The following DAGLB variants were observed in gnomAD, a reference collection of about 807,000 sequenced individuals.
DAGLB encodes the protein diacylglycerol lipase-beta.
In DAGLB, 66 loss-of-function variants were observed where a neutral mutation model predicts 72.1. The ratio of observed to expected loss-of-function variants is 0.92; its 90% confidence interval spans 0.75 to 1.12. The LOEUF (loss-of-function observed/expected upper bound fraction) is 1.12. Ranked by LOEUF, DAGLB falls within the 50% of genes most tolerant of loss-of-function variation. The probability of loss-of-function intolerance (pLI) is 0.00; values close to 1 mark genes in which losing one functional copy is unlikely to be tolerated. For synonymous variants in DAGLB, 414 were observed against 359.5 expected (o/e 1.15, Z -1.71); for missense variants, 1,065 against 884.9 (o/e 1.20, Z -2.58).
chr7:6,414,376 G>C (rs985436642), intron 11 of DAGLB, among the ~76,000 whole-genome samples: 5 of 149,064 alleles, frequency 3.4e-5, no homozygotes, highest in Non-Finnish European at 7.4e-5. Flanking sequence ...GCAGTGGCAC[G>C]ATCTCGGCTC....
chr7:6,436,792 G>A (rs74722165), intron 2 of DAGLB, among the ~76,000 whole-genome samples: 3,325 of 152,072 alleles, frequency 0.022, 56 homozygotes, highest in Middle Eastern at 0.041. Flanking sequence ...TCTCACTGGG[G>A]TGACAATATA....
chr7:6,442,944 C>T (rs61211132), intron 2 of DAGLB, among the ~76,000 whole-genome samples: 3 of 149,666 alleles, frequency 2.0e-5, no homozygotes, highest in Non-Finnish European at 3.0e-5. Flanking sequence ...GAGGCTGAGG[C>T]GGGCGGATCA....
chr7:6,440,477 T>C lies in DAGLB; in HGVS notation c.248-3944A>G, dbSNP rs529879620. On this transcript the variant is annotated intron_variant, in intron 2 of 14. Coordinates refer to ENST00000297056, the MANE Select transcript of DAGLB (RefSeq NM_139179.4). Reference sequence around the variant, plus strand: ...AGGACTGAATTCCACCTGCTCCAAATGTTCCCTCCACATCTTGTGATGTTC... The same window carrying C: ...AGGACTGAATTCCACCTGCTCCAAACGTTCCCTCCACATCTTGTGATGTTC... 1.1e-3 allele frequency among the ~76,000 whole-genome samples: 165 copies of C among 152,246 alleles called. 1 individual carries two copies. Among genetic ancestry groups the C allele is most frequent in the African/African-American group, 3.7e-3 (155 of 41,560 alleles).
At chr7:6,443,574 G>A (rs752655250) in intron 2 of DAGLB, among the ~76,000 whole-genome samples, 6 of 152,182 alleles carry the variant, frequency 3.9e-5, no homozygotes, top group Admixed American at 6.6e-5. Flanking sequence ...CATGAAAGAT[G>A]TTGCTGCTAA....
rs1783643565 is a variant in DAGLB, at chr7:6,409,486, AG to A, written c.*350del. 1 of 281,172 alleles carries A rather than the reference AG, an allele frequency of 3.6e-6. No homozygotes were observed. The highest frequency in any genetic ancestry group is 2.2e-5 in the African/African-American group (1 of 45,884). 17.4% of individuals were successfully genotyped at this position (281,172 alleles called of 1,614,324 possible). ...GAGCTGCCTTGGGGGTGGGAGGCTA[AG>A]GAACTGTTCACGGTCTTCTGGGTGG... is the stretch of plus-strand genomic sequence containing the variant. On this transcript the variant is annotated 3_prime_UTR_variant, in exon 15 of 15. Coordinates refer to ENST00000297056, the MANE Select transcript of DAGLB (RefSeq NM_139179.4).
intron 2 of DAGLB, among the ~76,000 whole-genome samples, chr7:6,440,890 C>T (rs1016931837): frequency 2.0e-5 from 3 of 151,898 alleles, no homozygotes; most frequent in African/African-American, 7.3e-5. Flanking sequence ...ATCAGTCAAT[C>T]AATCATTTAT....
intron 2 of DAGLB, among the ~76,000 whole-genome samples, chr7:6,443,496 CTA>C (rs1784901962): frequency 6.6e-6 from 1 of 152,112 alleles, no homozygotes; most frequent in Non-Finnish European, 1.5e-5. Flanking sequence ...GCTCTGTTTT[CTA>C]TGTTACTGTG....
At chr7:6,440,373 G>A (rs1277354750) in intron 2 of DAGLB, among the ~76,000 whole-genome samples, 1 of 142,858 alleles carries the variant, frequency 7.0e-6, no homozygotes, top group East Asian at 2.1e-4. Flanking sequence ...ACTCAAAAGC[G>A]AAACTCCGTC....
intron 9 of DAGLB, among the ~76,000 whole-genome samples, chr7:6,420,922 G>A (rs1485109678): frequency 6.6e-6 from 1 of 152,208 alleles, no homozygotes; most frequent in African/African-American, 2.4e-5. Flanking sequence ...CCCGTGGGGT[G>A]GGCCTGCCTC....
chr7:6,417,150 C>T, intron 9 of DAGLB: 2 of 507,198 alleles, frequency 3.9e-6, no homozygotes, highest in Non-Finnish European at 7.1e-6. Flanking sequence ...AATCCCAGCA[C>T]TTAGGGAGGC....
intron 6 of DAGLB, 63 bp from the exon 7 acceptor site, chr7:6,426,177 T>C: frequency 5.0e-6 from 8 of 1,602,042 alleles, no homozygotes; most frequent in Non-Finnish European, 6.0e-6. Flanking sequence ...ACGTCCATCC[T>C]CACTGCCACA....
chr7:6,433,851 CAAAAA>C (rs35042230), intron 4 of DAGLB, among the ~76,000 whole-genome samples: 1 of 127,842 alleles, frequency 7.8e-6, no homozygotes. Context: ...GACCTTGTCT[CAAAAA>C]AAAAAAAAAA....
At chr7:6,447,101 T>C (rs916122679) in intron 1 of DAGLB, among the ~76,000 whole-genome samples, 1 of 152,170 alleles carries the variant, frequency 6.6e-6, no homozygotes, top group Non-Finnish European at 1.5e-5. Context: ...AGCCTCTCAA[T>C]GTGCTGAGAT....
intron 6 of DAGLB, 73 bp from the exon 7 acceptor site, chr7:6,426,187 A>G (rs949994867): frequency 5.0e-6 from 8 of 1,594,576 alleles, no homozygotes; most frequent in Admixed American, 1.7e-5. Context: ...TCACTGCCAC[A>G]TGTTCCCAGA....
chr7:6,415,290 AT>A (rs1274616346), intron 11 of DAGLB, among the ~76,000 whole-genome samples: 1 of 152,068 alleles, frequency 6.6e-6, no homozygotes, highest in Non-Finnish European at 1.5e-5. Context: ...TGAGGGAAAG[AT>A]TTAAGCACTT....
rs771315806 is a variant in DAGLB at position 6,436,445 on chromosome 7, G to C, written c.336C>G (p.Ala112=). 5 of 1,614,130 alleles carry C rather than the reference G, an allele frequency of 3.1e-6. No individual in the cohort carries two copies. In the South Asian group the frequency reaches 5.5e-5, roughly 18 times the overall value. ...LALFFPEMVW[A]SLGAAWVADG... is the part of the protein sequence containing the mutation. ...CTGCCACCCAGGCAGCCCCCAGAGA[G>C]GCCCAGACCATCTCTGGAAAAAACA... Residue 112 remains alanine, a synonymous_variant, in exon 3 of 15, where the codon GCC becomes GCG. Coordinates refer to ENST00000297056, the MANE Select transcript of DAGLB (RefSeq NM_139179.4).
In DAGLB at chr7:6,409,824, C is replaced by A. The variant is rs570032882; in HGVS notation, c.*13G>T. On this transcript the variant is annotated 3_prime_UTR_variant, in exon 15 of 15. Transcript: ENST00000297056. ...GAGTCCATCGTTCCTGGGACAGTTT[C>A]CAGTGGCCCTGGTCAGGCCACGTCC... The A allele has an allele frequency of 3.7e-6, 6 of 1,611,454 alleles. No individual in the cohort carries two copies. The South Asian group carries it at 6.6e-5, about 18-fold the overall frequency.
chr7:6,435,024 C>T lies in DAGLB; in HGVS notation c.420-4G>A. On this transcript the variant is annotated splice_region_variant and splice_polypyrimidine_tract_variant and intron_variant, in intron 3 of 14. Coordinates refer to ENST00000297056, the MANE Select transcript of DAGLB (RefSeq NM_139179.4). ...TGTGGCAGCGATGATGATCCAACTG[C>T]AAGACAGAGAGAGGAAAAGGCTCGG... The T allele has an allele frequency of 1.9e-6, 3 of 1,612,592 alleles. No individual in the cohort carries two copies. The South Asian group carries it at 3.3e-5, about 18-fold the overall frequency.
intron 6 of DAGLB, among the ~76,000 whole-genome samples, chr7:6,429,244 C>G (rs1298241597): frequency 6.6e-6 from 1 of 151,998 alleles, no homozygotes; most frequent in African/African-American, 2.4e-5. Context: ...TTGTCATGGA[C>G]CATTCCCGCC....
Sources: allele counts gnomAD v4.1 joint callset (sites outside exome capture counted in the v4.1 genomes callset), GRCh38; gene constraint gnomAD v4.1.1; transcripts MANE v1.5; gene names NCBI Gene and HGNC (gene_info 2026-07-23, HGNC 2026-07-21).